The following RANBP1 variants were observed in gnomAD, a reference collection of about 807,000 sequenced individuals.
RANBP1 encodes ran-specific GTPase-activating protein.
RANBP1 carries 16 observed loss-of-function variants against 31.4 expected under a neutral mutation model. That is an observed-to-expected ratio of 0.51 (90% CI 0.34 to 0.77). The LOEUF is 0.77. RANBP1 is among the 30% of genes least tolerant of loss of function. RANBP1 has a pLI of 0.01. For synonymous variants in RANBP1, 129 were observed against 140.5 expected (o/e 0.92, Z 0.58); for missense variants, 265 against 362.0 (o/e 0.73, Z 2.17).
chr22:20,116,189 G>C lies in RANBP1; in HGVS notation c.5G>C (p.Gly2Ala), dbSNP rs1209688745. 1.9e-6 allele frequency: 3 copies of C among 1,613,046 alleles called. No individual in the cohort carries two copies. Among genetic ancestry groups the C allele is most frequent in the South Asian group, 2.2e-5 (2 of 91,074 alleles). The change falls in exon 1 of 6, where the codon GGG becomes GCG. Residue 2 changes from glycine to alanine, a missense_variant. This residue lies in a region of RANBP1 where 126 missense variants were observed against 123.6 expected (regional missense o/e 1.02). Transcript: ENST00000430524. ...TCCTGTCGCCTCCTCCTGGCCATGGGGTCGGCCTTGGGCCGGGCCAGGCGC... is the reference window on the plus strand; with the variant it reads ...TCCTGTCGCCTCCTCCTGGCCATGGCGTCGGCCTTGGGCCGGGCCAGGCGC... The part of the protein sequence containing the change: M[G>A]SALGRARRTL...
chr22:20,125,508 A>G (rs1172796788), intron 4 of RANBP1, 72 bp downstream of exon 4: 1 of 1,550,838 alleles, frequency 6.4e-7, no homozygotes, highest in Non-Finnish European at 8.7e-7. Context: ...GTTATGTGCA[A>G]CAAATGCTGT....
intron 1 of RANBP1, 128 bp downstream of exon 1, chr22:20,116,558 G>A (rs2050028180): frequency 1.9e-6 from 3 of 1,582,932 alleles, no homozygotes; most frequent in Admixed American, 1.8e-5. Flanking sequence ...GAGACGGTAG[G>A]GCAGCTCAGG....
intron 1 of RANBP1, chr22:20,116,827 ACC>A: frequency 9.8e-7 from 1 of 1,018,022 alleles, no homozygotes; most frequent in Non-Finnish European, 1.3e-6. Flanking sequence ...TTCCTGACCC[ACC>A]CCGCCTCCTC....
rs2050322414 is a variant in RANBP1 at position 20,127,305 on chromosome 22, T to G, written c.*253T>G. ...ACTTTCTTTTCCATAGTGGAAACACTTATTTATAGTCATCAAAAATAGTGA... is the reference window on the plus strand; with the variant it reads ...ACTTTCTTTTCCATAGTGGAAACACGTATTTATAGTCATCAAAAATAGTGA... On this transcript the variant is annotated 3_prime_UTR_variant, in exon 6 of 6. Coordinates refer to ENST00000430524, the MANE Select transcript of RANBP1 (RefSeq NM_001278639.2). 1 of 320,912 alleles carries G rather than the reference T, an allele frequency of 3.1e-6. No homozygotes were observed. The highest frequency in any genetic ancestry group is 3.3e-5 in the South Asian group (1 of 29,930). The allele number at this position is 320,912 out of a possible 1,614,324, so 19.9% of individuals were successfully genotyped here.
intron 1 of RANBP1, chr22:20,117,653 G>T: frequency 8.2e-7 from 1 of 1,223,378 alleles, no homozygotes; most frequent in Non-Finnish European, 1.0e-6. Context: ...CGCCCCCATG[G>T]CGGCCGCCAA....
chr22:20,121,770 G>C (rs188143688), intron 2 of RANBP1, among the ~76,000 whole-genome samples: 2 of 152,084 alleles, frequency 1.3e-5, no homozygotes, highest in African/African-American at 4.8e-5. Flanking sequence ...TCCCCACTGA[G>C]GGAAATATTG....
chr22:20,116,727 C>T, intron 1 of RANBP1: 1 of 1,416,358 alleles, frequency 7.1e-7, no homozygotes, highest in Non-Finnish European at 9.6e-7. Context: ...CTCAGCCCTG[C>T]CCCTCCCCCA....
chr22:20,123,764 C>T (rs1047739207), intron 3 of RANBP1, among the ~76,000 whole-genome samples: 2 of 152,054 alleles, frequency 1.3e-5, no homozygotes, highest in Non-Finnish European at 2.9e-5. Flanking sequence ...GTAGGTTGTC[C>T]TGAGTATGGC....
At chr22:20,117,422 G>A (rs1213669163) in intron 1 of RANBP1, 1 of 1,202,972 alleles carries the variant, frequency 8.3e-7, no homozygotes. Flanking sequence ...GCCGGACAAT[G>A]AGAGTGTCCG....
intron 3 of RANBP1, 134 bp downstream of exon 3, chr22:20,122,555 T>C: frequency 6.4e-7 from 1 of 1,559,492 alleles, no homozygotes; most frequent in Non-Finnish European, 8.7e-7. Flanking sequence ...TTTGTTGAAT[T>C]TAAAACCAGA....
intron 1 of RANBP1, among the ~76,000 whole-genome samples, chr22:20,118,758 C>G (rs527550697): frequency 4.1e-4 from 62 of 152,332 alleles, no homozygotes; most frequent in African/African-American, 1.4e-3. Context: ...GTGCACAGAT[C>G]TGATTGATGT....
At chr22:20,125,517 G>A (rs1361412299) in intron 4 of RANBP1, 81 bp downstream of exon 4, 10 of 1,547,644 alleles carry the variant, frequency 6.5e-6, no homozygotes, top group Non-Finnish European at 8.7e-6. Context: ...AACAAATGCT[G>A]TTGCCTTTTG....
rs2050274800 is a variant in RANBP1 at position 20,125,467 on chromosome 22, C to G, written c.670+31C>G. On this transcript the variant is annotated intron_variant, in intron 4 of 5. Coordinates refer to ENST00000430524, the MANE Select transcript of RANBP1 (RefSeq NM_001278639.2). ...CCAAGGGCCCTGGGGACCTGCCTGA[C>G]TTGGGGCTCACCTGCGTGGCAGCGT... 3 of 1,582,530 alleles carry G rather than the reference C, an allele frequency of 1.9e-6. No individual in the cohort carries two copies. In the East Asian group the frequency reaches 7.0e-5, roughly 37 times the overall value.
intron 4 of RANBP1, among the ~76,000 whole-genome samples, chr22:20,125,992 A>C (rs955902869): frequency 2.6e-5 from 4 of 152,246 alleles, no homozygotes; most frequent in African/African-American, 9.6e-5. Context: ...TTTGGTGCCA[A>C]GTGACCTTGT....
At chr22:20,117,816 G>A (rs2050074649) in intron 1 of RANBP1, 2 of 1,021,936 alleles carry the variant, frequency 2.0e-6, no homozygotes, top group East Asian at 9.5e-5. Flanking sequence ...GTCGGGGCGC[G>A]TGGGGTTTGG....
chr22:20,117,499 G>C (rs901058964), intron 1 of RANBP1: 20 of 1,269,440 alleles, frequency 1.6e-5, no homozygotes, highest in African/African-American at 3.2e-5. Context: ...GGGGTCAGGG[G>C]TCGAGGTTCG....
Position 20,127,178 on chromosome 22 carries a change from A to C in RANBP1, c.*126A>C. ...CAAGGGACGTTATATAAAGAACTGA[A>C]CTCAACATTCAGGTTGTTTTTTTTT... is the stretch of plus-strand genomic sequence containing the variant. On this transcript the variant is annotated 3_prime_UTR_variant, in exon 6 of 6. Transcript: ENST00000430524. The C allele has an allele frequency of 2.7e-6, 2 of 728,312 alleles. No homozygotes were observed. Among genetic ancestry groups the C allele is most frequent in the Non-Finnish European group, 4.1e-6 (2 of 485,292 alleles). The allele number at this position is 728,312 out of a possible 1,614,324, so 45.1% of individuals were successfully genotyped here. A position where few individuals can be genotyped will look rare whatever the true frequency, so the allele number is the denominator to read the frequency against.
In RANBP1 at chr22:20,125,392, G is replaced by C; in HGVS notation, c.626G>C (p.Cys209Ser). 1 of 1,611,170 alleles carries C rather than the reference G, an allele frequency of 6.2e-7. No homozygotes were observed. Among genetic ancestry groups the C allele is most frequent in the Non-Finnish European group, 8.5e-7 (1 of 1,179,490 alleles). ...WNTHADFADECPKPELLAIRF... is the reference protein window; with the variant it reads ...WNTHADFADESPKPELLAIRF... ...ACCCACGCTGACTTCGCCGACGAGT[G>C]CCCCAAGCCAGAGCTGCTGGCCATC... Residue 209 changes from cysteine to serine, a missense_variant, in exon 4 of 6, where the codon TGC (cysteine) becomes TCC (serine). By Grantham distance (112) the Cys-to-Ser change is moderately radical (BLOSUM62 -1). Transcript: ENST00000430524.
intron 1 of RANBP1, chr22:20,118,334 G>A: frequency 2.0e-6 from 2 of 1,002,300 alleles, no homozygotes; most frequent in Non-Finnish European, 2.4e-6. Context: ...TGGAAGACTC[G>A]AACCTAAAAT....
Sources: allele counts gnomAD v4.1 joint callset (sites outside exome capture counted in the v4.1 genomes callset), GRCh38; gene constraint gnomAD v4.1.1; regional missense constraint gnomAD v4.1.1; transcripts MANE v1.5; gene names NCBI Gene and HGNC (gene_info 2026-07-23, HGNC 2026-07-21).